NUP153: variants seen among roughly 807,000 people sequenced by gnomAD.
NUP153 encodes the protein nuclear pore complex protein Nup153.
Under a neutral mutation model 134.6 loss-of-function variants are expected in NUP153, and 27 were observed. The observed-to-expected ratio is 0.20, with a 90% CI of 0.15 to 0.28. The LOEUF is 0.28. Ranked by LOEUF, NUP153 falls within the 10% of genes least tolerant of loss-of-function variation. The pLI is 1.00. For missense variants in NUP153, 1,821 were observed against 1,731.3 expected, an observed-to-expected ratio of 1.05 and a Z score of -0.92; for synonymous variants, 640 against 623.5, an observed-to-expected ratio of 1.03 and a Z score of -0.40.
chr6:17,629,680 C>T, intron 17 of NUP153, 141 bp from the exon 18 acceptor site: 1 of 669,468 alleles, frequency 1.5e-6, no homozygotes, highest in Non-Finnish European at 2.4e-6. Flanking sequence ...CAGCTGTAAA[C>T]ATAATCCAAG....
intron 1 of NUP153, among the ~76,000 whole-genome samples, chr6:17,704,703 T>TA (rs1310629304): frequency 1.6e-4 from 22 of 138,752 alleles, no homozygotes; most frequent in African/African-American, 4.8e-4. Context: ...TCCCTCAAAA[T>TA]AAAAAACATT....
At position 17,675,564 on chromosome 6, in the gene NUP153, T is replaced by C. The variant is rs747201274; in HGVS notation, c.541A>G (p.Ile181Val). 9 of 1,613,876 alleles carry C rather than the reference T, an allele frequency of 5.6e-6. No individual in the cohort carries two copies. The highest frequency in any genetic ancestry group is 5.3e-5 in the African/African-American group (4 of 74,926). Residue 181 changes from isoleucine to valine, a missense_variant, in exon 3 of 22, where the codon ATC becomes GTC. Ile to Val is a conservative substitution (Grantham distance 29, BLOSUM62 3). Transcript: ENST00000262077. The surrounding 1 kb of genome is among the most constrained non-coding windows in gnomAD (Gnocchi z 4.4). ...DSTSQHDDDN[I>V]STTSGFSSRA... ...GAAGAAAAACCACTGGTAGTTGAGATGTTATCATCATCATGCTGAGAGGTA... is the reference window on the plus strand; with the variant it reads ...GAAGAAAAACCACTGGTAGTTGAGACGTTATCATCATCATGCTGAGAGGTA...
In NUP153 at chr6:17,628,168, T is replaced by C. The variant is rs1027879440; in HGVS notation, c.3544+487A>G. ...CCTTTAAGGTGCTATGTCATTTTTT[T>C]CCCCAGGACTTCAGCTTTCAAAATC... is the stretch of plus-strand genomic sequence containing the variant. On this transcript the variant is annotated intron_variant, in intron 18 of 21. Coordinates refer to ENST00000262077, the MANE Select transcript of NUP153 (RefSeq NM_005124.4). The surrounding 1 kb of genome is among the most constrained non-coding windows in gnomAD (Gnocchi z 5.4). 3.3e-5 allele frequency among the ~76,000 whole-genome samples: 5 copies of C among 152,326 alleles called. No individual in the cohort carries two copies. The highest frequency in any genetic ancestry group is 1.9e-4 in the East Asian group (1 of 5,188).
chr6:17,678,237 T>C (rs1768346140), intron 2 of NUP153, among the ~76,000 whole-genome samples: 1 of 151,498 alleles, frequency 6.6e-6, no homozygotes, highest in Admixed American at 6.6e-5. Flanking sequence ...ACGCCTGTAA[T>C]TCCAGCTACC....
intron 16 of NUP153, among the ~76,000 whole-genome samples, chr6:17,634,308 C>T (rs1489253479): frequency 6.6e-6 from 1 of 152,142 alleles, no homozygotes; most frequent in African/African-American, 2.4e-5. Flanking sequence ...TGTAAGTTAG[C>T]GGACTTTCAT....
intron 13 of NUP153, 150 bp downstream of exon 13, chr6:17,647,655 CAT>C (rs1766272072): frequency 8.4e-6 from 5 of 592,578 alleles, no homozygotes; most frequent in African/African-American, 5.6e-5. Flanking sequence ...GTGAAGAATA[CAT>C]GATTGTTCAA....
intron 20 of NUP153, among the ~76,000 whole-genome samples, chr6:17,621,979 CATTTTT>C (rs1460738992): frequency 6.6e-6 from 1 of 151,828 alleles, no homozygotes; most frequent in Non-Finnish European, 1.5e-5. Flanking sequence ...TAAAGTTTTT[CATTTTT>C]ATCAAAAATG....
At position 17,669,440 on chromosome 6, in the gene NUP153, C is replaced by T. The variant is rs1767760784; in HGVS notation, c.959G>A (p.Ser320Asn). ...RILQSLEKMS[S>N]PLADAKRIPS... ...ATTTTAAAAATTTACCGCTAAAGGGCTTGACATCTTCTCTAAAGACTGCAA... is the reference window on the plus strand; with the variant it reads ...ATTTTAAAAATTTACCGCTAAAGGGTTTGACATCTTCTCTAAAGACTGCAA... The change falls in exon 6 of 22, where the codon AGC (serine) becomes AAC (asparagine). Residue 320 changes from serine to asparagine, a missense_variant. Physicochemically the swap from Ser to Asn is conservative, Grantham distance 46. Transcript: ENST00000262077. 1.2e-6 allele frequency: 2 copies of T among 1,612,842 alleles called. No homozygotes were observed. Among genetic ancestry groups the T allele is most frequent in the Admixed American group, 3.3e-5 (2 of 60,002 alleles).
In NUP153 at chr6:17,706,615, G is replaced by A. The variant is rs1167404099; in HGVS notation, c.-228C>T. The A allele has an allele frequency of 1.2e-5, 7 of 571,232 alleles. No homozygotes were observed. The highest frequency in any genetic ancestry group is 3.1e-5 in the East Asian group (1 of 32,074). The allele number at this position is 571,232 out of a possible 1,614,324, so 35.4% of individuals were successfully genotyped here. A position where few individuals can be genotyped will look rare whatever the true frequency, so the allele number is the denominator to read the frequency against. The stretch of plus-strand genomic sequence containing the variant: ...GGGTGGCGGCCGCAGAGGCCGAGGA[G>A]GCTCCGGTCCGGCCGCCTCTGCGGA... On this transcript the variant is annotated 5_prime_UTR_variant, in exon 1 of 22. Transcript: ENST00000262077. This position sits in a 1 kb window ranked among gnomAD's most constrained non-coding sequence, Gnocchi z 5.9.
chr6:17,664,353 C>T lies in NUP153; in HGVS notation c.1215+886G>A, dbSNP rs76354537. On this transcript the variant is annotated intron_variant, in intron 9 of 21. Coordinates refer to ENST00000262077, the MANE Select transcript of NUP153 (RefSeq NM_005124.4). ...CATGCTAAAACCACTGAATTGAAAA[C>T]TTTAAATAGGAGAATTGTATGATAT... Among the ~76,000 whole-genome samples the T allele has an allele frequency of 3.3e-4, 50 of 152,132 alleles. 1 individual carries two copies. In the East Asian group the frequency reaches 9.5e-3, roughly 29 times the overall value.
chr6:17,659,761 G>A (rs566156083), intron 11 of NUP153, among the ~76,000 whole-genome samples: 39 of 152,218 alleles, frequency 2.6e-4, no homozygotes, highest in African/African-American at 6.7e-4. Context: ...ATGAGCCACC[G>A]TGCCCAGCCG....
chr6:17,675,155 G>GAAAA lies in NUP153; in HGVS notation c.723+70_723+73dup. On this transcript the variant is annotated intron_variant, in intron 4 of 21. Transcript: ENST00000262077. The surrounding 1 kb of genome is among the most constrained non-coding windows in gnomAD (Gnocchi z 4.4). ...GCAACAGCAAAAGACTCTTGTCTCA[G>GAAAA]AAAAAAAAAAAAAAATTATAAGCAA... The GAAAA allele has an allele frequency of 2.3e-6, 3 of 1,291,882 alleles. No homozygotes were observed. Among genetic ancestry groups the GAAAA allele is most frequent in the Admixed American group, 2.4e-5 (1 of 42,088 alleles). The allele number at this position is 1,291,882 out of a possible 1,614,324, so 80.0% of individuals were successfully genotyped here. A position where few individuals can be genotyped will look rare whatever the true frequency, so the allele number is the denominator to read the frequency against.
intron 5 of NUP153, 82 bp from the exon 6 acceptor site, chr6:17,669,628 G>T: frequency 1.1e-6 from 1 of 930,972 alleles, no homozygotes; most frequent in Non-Finnish European, 1.8e-6. Flanking sequence ...TTACAAGATA[G>T]AATGGATGTC....
chr6:17,615,044 TA>T lies in NUP153; in HGVS notation c.*1052del, dbSNP rs1764250145. 1 of 152,656 alleles carries T rather than the reference TA, an allele frequency of 6.6e-6. No individual in the cohort carries two copies. The allele number at this position is 152,656 out of a possible 1,614,324, so 9.5% of individuals were successfully genotyped here. Reference sequence around the variant, plus strand: ...TAAAACTAGAACAAAAAGTATGTCATAATTTTTTATTGATGGCATTTATCCC... The same window carrying T: ...TAAAACTAGAACAAAAAGTATGTCATATTTTTTATTGATGGCATTTATCCC... On this transcript the variant is annotated 3_prime_UTR_variant, in exon 22 of 22. Transcript: ENST00000262077. The surrounding 1 kb of genome is among the most constrained non-coding windows in gnomAD (Gnocchi z 5.7).
chr6:17,672,792 A>G (rs896335180), intron 5 of NUP153, among the ~76,000 whole-genome samples: 8 of 152,182 alleles, frequency 5.3e-5, no homozygotes, highest in African/African-American at 1.9e-4. Context: ...CAGCCTGAGC[A>G]ACGTAGTAAG....
intron 1 of NUP153, among the ~76,000 whole-genome samples, chr6:17,705,013 T>C (rs9396793): frequency 0.44 from 67,646 of 152,140 alleles, 15,951 homozygotes; most frequent in Middle Eastern, 0.74. Context: ...CGCCTCGGCC[T>C]CCCAAAGTGC....
At chr6:17,703,281 C>A (rs1171774343) in intron 1 of NUP153, among the ~76,000 whole-genome samples, 1 of 151,226 alleles carries the variant, frequency 6.6e-6, no homozygotes, top group Non-Finnish European at 1.5e-5. Context: ...GAGCTAAACC[C>A]AGAAGTCAAA....
chr6:17,664,722 A>C (rs1346095636), intron 9 of NUP153, among the ~76,000 whole-genome samples: 1 of 152,182 alleles, frequency 6.6e-6, no homozygotes, highest in East Asian at 1.9e-4. Context: ...CAATGGGTAC[A>C]TGCTAGAGTT....
intron 5 of NUP153, among the ~76,000 whole-genome samples, chr6:17,672,796 T>C (rs909062481): frequency 7.2e-5 from 11 of 152,148 alleles, no homozygotes; most frequent in Non-Finnish European, 1.5e-4. Context: ...CTGAGCAACG[T>C]AGTAAGACTC....
Sources: gnomAD v4.1 joint callset for allele counts (sites outside exome capture counted in the v4.1 genomes callset) on GRCh38, gnomAD v4.1.1 for gene constraint, Gnocchi (gnomAD v3.1) non-coding constraint, MANE v1.5 for transcripts, NCBI Gene and HGNC (gene_info 2026-07-23, HGNC 2026-07-21) for gene names.